PTPRK: variants seen among roughly 807,000 people sequenced by gnomAD.
PTPRK encodes the protein receptor-type tyrosine-protein phosphatase kappa.
In PTPRK, 75 loss-of-function variants were observed where a neutral mutation model predicts 178.0. That is an observed-to-expected ratio of 0.42 (90% CI 0.35 to 0.51). The LOEUF (loss-of-function observed/expected upper bound fraction) is 0.51, where lower values mean the gene tolerates loss of function less well. Ranked by LOEUF, PTPRK falls within the 20% of genes least tolerant of loss-of-function variation. The pLI is 0.02. For synonymous variants in PTPRK, 637 were observed against 620.6 expected, an observed-to-expected ratio of 1.03 and a Z score of -0.39; for missense variants, 1,441 against 1,797.8, an observed-to-expected ratio of 0.80 and a Z score of 3.59.
At chr6:128,406,125 T>C (rs1841622260) in intron 1 of PTPRK, among the ~76,000 whole-genome samples, 1 of 151,824 alleles carries the variant, frequency 6.6e-6, no homozygotes, top group South Asian at 2.1e-4. Flanking sequence ...TAGCCAAGCA[T>C]GGTGGAACGT....
rs547133069 is a variant in PTPRK at position 127,989,875 on chromosome 6, G to A, written c.3096+894C>T. On this transcript the variant is annotated intron_variant, in intron 21 of 29. Coordinates refer to ENST00000368226, the MANE Select transcript of PTPRK (RefSeq NM_002844.4). ...AAATTAAGGACATTAATAAACAATC[G>A]CAAGGTTCTTCTGTCTGTATGTACC... Among the ~76,000 whole-genome samples, 10 of 151,136 alleles carry A rather than the reference G, an allele frequency of 6.6e-5. No individual in the cohort carries two copies. The East Asian group carries it at 1.2e-3, about 18-fold the overall frequency.
intron 1 of PTPRK, among the ~76,000 whole-genome samples, chr6:128,406,652 C>T (rs568361516): frequency 2.6e-5 from 4 of 152,132 alleles, no homozygotes; most frequent in African/African-American, 9.7e-5. Flanking sequence ...CCCTGGATGT[C>T]GGGGACCTTT....
chr6:128,391,146 TA>T (rs1169081751), intron 2 of PTPRK, among the ~76,000 whole-genome samples: 8 of 151,576 alleles, frequency 5.3e-5, no homozygotes, highest in Non-Finnish European at 1.2e-4. Context: ...TTCTATTACT[TA>T]AAAAAAAATC....
At chr6:128,186,534 CA>C (rs1802794440) in intron 6 of PTPRK, among the ~76,000 whole-genome samples, 1 of 152,068 alleles carries the variant, frequency 6.6e-6, no homozygotes, top group South Asian at 2.1e-4. Flanking sequence ...TGATAGTTTG[CA>C]AATTGTTTCA....
chr6:128,272,614 A>G (rs1216009090), intron 3 of PTPRK, among the ~76,000 whole-genome samples: 1 of 152,220 alleles, frequency 6.6e-6, no homozygotes, highest in Non-Finnish European at 1.5e-5. Context: ...AAAAATGCTC[A>G]GCATCACTGG....
chr6:128,121,819 G>GT (rs1323317036), intron 7 of PTPRK, among the ~76,000 whole-genome samples: 3 of 151,810 alleles, frequency 2.0e-5, no homozygotes, highest in Non-Finnish European at 4.4e-5. Context: ...CTGCTCTCCT[G>GT]TTTAAGTTTC....
At chr6:128,470,135 C>T (rs1485070815) in intron 1 of PTPRK, among the ~76,000 whole-genome samples, 1 of 152,106 alleles carries the variant, frequency 6.6e-6, no homozygotes, top group Admixed American at 6.6e-5. Flanking sequence ...AAACATTATA[C>T]ATCCTGTTAT....
intron 7 of PTPRK, among the ~76,000 whole-genome samples, chr6:128,090,325 T>C (rs1786704553): frequency 2.0e-5 from 3 of 152,216 alleles, no homozygotes; most frequent in African/African-American, 2.4e-5. Context: ...CTTTTGTCTT[T>C]ATTGAGCAAG....
intron 7 of PTPRK, among the ~76,000 whole-genome samples, chr6:128,116,588 C>T (rs1791560119): frequency 6.6e-6 from 1 of 152,180 alleles, no homozygotes; most frequent in African/African-American, 2.4e-5. Flanking sequence ...CTTTCTAAGA[C>T]TGCAAAGGAA....
chr6:128,319,300 A>ATC (rs1333914066), intron 3 of PTPRK, among the ~76,000 whole-genome samples: 1 of 152,136 alleles, frequency 6.6e-6, no homozygotes, highest in African/African-American at 2.4e-5. Context: ...TTCAAGTTAT[A>ATC]TCTATGTATA....
chr6:128,090,143 A>G, intron 7 of PTPRK, 151 bp from the exon 8 acceptor site: 1 of 658,834 alleles, frequency 1.5e-6, no homozygotes, highest in Non-Finnish European at 2.5e-6. Context: ...TCATGATCCT[A>G]TTCTTGAAGG....
chr6:128,520,513 A>T lies in PTPRK; in HGVS notation c.-155T>A. 2.9e-6 allele frequency: 2 copies of T among 680,286 alleles called. No individual in the cohort carries two copies. 42.1% of individuals were successfully genotyped at this position (680,286 alleles called of 1,614,324 possible). A position where few individuals can be genotyped will look rare whatever the true frequency, so the allele number is the denominator to read the frequency against. ...CTTTTTCCTTCTTCGCGGTCGCCAA[A>T]CTACCTCAGGGGCGAAAGCGTCGCC... On this transcript the variant is annotated 5_prime_UTR_variant, in exon 1 of 30. Transcript: ENST00000368226.
intron 3 of PTPRK, among the ~76,000 whole-genome samples, chr6:128,303,116 A>G (rs1825884728): frequency 1.3e-5 from 2 of 152,262 alleles, no homozygotes; most frequent in African/African-American, 4.8e-5. Context: ...TTCTACTCCT[A>G]TCAGTTACAT....
Position 128,354,231 on chromosome 6 carries a change from G to GTT in PTPRK, c.224-31923_224-31922dup, listed in dbSNP as rs756148554. On this transcript the variant is annotated intron_variant, in intron 2 of 29. Coordinates refer to ENST00000368226, the MANE Select transcript of PTPRK (RefSeq NM_002844.4). Reference sequence around the variant, plus strand: ...ACATGTATTTTGGTTTTTTGTTTATGTTTTTTTTTTTTTTTTTTTTTTTTG... The same window carrying GTT: ...ACATGTATTTTGGTTTTTTGTTTATGTTTTTTTTTTTTTTTTTTTTTTTTTTG... Among the ~76,000 whole-genome samples the GTT allele has an allele frequency of 7.1e-4, 35 of 49,366 alleles. 5 individuals are homozygous for GTT. The highest frequency in any genetic ancestry group is 3.1e-3 in the African/African-American group (33 of 10,638). The allele number at this position is 49,366 out of a possible 152,430, so 32.4% of individuals were successfully genotyped here.
intron 2 of PTPRK, among the ~76,000 whole-genome samples, chr6:128,334,256 T>G (rs546984569): frequency 1.2e-4 from 19 of 152,296 alleles, no homozygotes; most frequent in Middle Eastern, 3.4e-3. Context: ...TGTGAGAATT[T>G]CCAAAATGTT....
At chr6:128,511,072 A>G (rs1053827626) in intron 1 of PTPRK, among the ~76,000 whole-genome samples, 1 of 152,196 alleles carries the variant, frequency 6.6e-6, no homozygotes, top group Non-Finnish European at 1.5e-5. Context: ...GAGACAAGGA[A>G]AATAAAATAA....
intron 11 of PTPRK, among the ~76,000 whole-genome samples, chr6:128,069,652 AATT>A (rs1782470847): frequency 6.6e-6 from 1 of 152,148 alleles, no homozygotes; most frequent in Admixed American, 6.6e-5. Flanking sequence ...GAATAATAAT[AATT>A]ACCTATCCTT....
chr6:128,076,577 T>G (rs1284179107), intron 11 of PTPRK, among the ~76,000 whole-genome samples: 2 of 152,054 alleles, frequency 1.3e-5, no homozygotes, highest in Admixed American at 1.3e-4. Context: ...AATTACTTCT[T>G]CTTGTAATAT....
At chr6:128,503,828 A>G (rs865895949) in intron 1 of PTPRK, among the ~76,000 whole-genome samples, 8 of 141,096 alleles carry the variant, frequency 5.7e-5, no homozygotes, top group South Asian at 2.2e-4. Flanking sequence ...ATGCACCACT[A>G]TGCCTGGTTA....
Sources: gnomAD v4.1 joint callset for allele counts (sites outside exome capture counted in the v4.1 genomes callset) on GRCh38, gnomAD v4.1.1 for gene constraint, MANE v1.5 for transcripts, NCBI Gene and HGNC (gene_info 2026-07-23, HGNC 2026-07-21) for gene names.